The following ANKRD49 variants were observed in gnomAD, a reference collection of about 807,000 sequenced individuals.
ANKRD49 encodes ankyrin repeat domain-containing protein 49.
A neutral mutation model predicts 19.6 loss-of-function variants in ANKRD49; 18 were observed. The ratio of observed to expected loss-of-function variants is 0.92; its 90% CI spans 0.63 to 1.36. ANKRD49 has a LOEUF of 1.36. Among genes scored for constraint, ANKRD49 ranks in the 40% most tolerant of loss-of-function variants. The pLI is 0.00. For missense variants in ANKRD49, 218 were observed against 281.6 expected (o/e 0.77, Z 1.62); for synonymous variants, 88 against 101.8 (o/e 0.86, Z 0.82).
In ANKRD49 at chr11:94,498,351, T is replaced by C. The variant is rs1947448129; in HGVS notation, c.539T>C (p.Leu180Pro). 1 of 1,613,428 alleles carries C rather than the reference T, an allele frequency of 6.2e-7. No individual in the cohort carries two copies. Among genetic ancestry groups the C allele is most frequent in the African/African-American group, 1.3e-5 (1 of 74,870 alleles). The change falls in exon 3 of 3, where the codon CTT becomes CCT. Residue 180 changes from leucine to proline, a missense_variant. Leu to Pro is a moderately conservative substitution (Grantham distance 98). Transcript: ENST00000544612. ...QTKGLLTPLH[L>P]AAGNRDSKDT... The stretch of plus-strand genomic sequence containing the variant: ...AAAGGCCTCTTGACCCCCTTGCATC[T>C]TGCTGCTGGGAACAGAGACAGCAAG...
In ANKRD49 at chr11:94,498,740, G is replaced by T; in HGVS notation, c.*208G>T. On this transcript the variant is annotated 3_prime_UTR_variant, in exon 3 of 3. Coordinates refer to ENST00000544612, the MANE Select transcript of ANKRD49 (RefSeq NM_017704.3). ...ATCTTTAATTATTTCTGTGGAGTTT[G>T]TGATTTTTTTATCAGAAATAATTTT... is the stretch of plus-strand genomic sequence containing the variant. The T allele has an allele frequency of 3.5e-6, 2 of 567,180 alleles. No individual in the cohort carries two copies. The highest frequency in any genetic ancestry group is 2.4e-5 in the South Asian group (1 of 42,540). The allele number at this position is 567,180 out of a possible 1,614,324, so 35.1% of individuals were successfully genotyped here. A position where few individuals can be genotyped will look rare whatever the true frequency, so the allele number is the denominator to read the frequency against.
At position 94,498,858 on chromosome 11, in the gene ANKRD49, A is replaced by G; in HGVS notation, c.*326A>G. The G allele has an allele frequency of 3.6e-6, 1 of 279,954 alleles. No homozygotes were observed. Among genetic ancestry groups the G allele is most frequent in the East Asian group, 9.3e-5 (1 of 10,800 alleles). 17.3% of individuals were successfully genotyped at this position (279,954 alleles called of 1,614,324 possible). On this transcript the variant is annotated 3_prime_UTR_variant, in exon 3 of 3. Coordinates refer to ENST00000544612, the MANE Select transcript of ANKRD49 (RefSeq NM_017704.3). Reference sequence around the variant, plus strand: ...AGAAATGTATTTTTAAATATCCCACATCCTGGATCTTTGTTGGGTATTTAG... The same window carrying G: ...AGAAATGTATTTTTAAATATCCCACGTCCTGGATCTTTGTTGGGTATTTAG...
chr11:94,498,045 G>T (rs760641435), intron 2 of ANKRD49, 26 bp from the exon 3 acceptor site: 39 of 1,524,442 alleles, frequency 2.6e-5, no homozygotes, highest in Non-Finnish European at 3.3e-5. Flanking sequence ...GAGTTGAGTT[G>T]AAAGATTTCT....
At position 94,498,195 on chromosome 11, in the gene ANKRD49, T is replaced by C; in HGVS notation, c.383T>C (p.Ile128Thr). 6.2e-7 allele frequency: 1 copy of C among 1,614,208 alleles called. No homozygotes were observed. ...SGHLDIVQEL[I>T]AQGADVHAVT... is the part of the protein sequence containing the mutation. ...CACTTAGATATTGTTCAGGAGCTCATTGCACAGGGGGCCGATGTTCATGCA... is the reference window on the plus strand; with the variant it reads ...CACTTAGATATTGTTCAGGAGCTCACTGCACAGGGGGCCGATGTTCATGCA... Residue 128 changes from isoleucine to threonine, a missense_variant, in exon 3 of 3, where the codon ATT (isoleucine) becomes ACT (threonine). Ile to Thr is a moderately conservative substitution (Grantham distance 89). Transcript: ENST00000544612.
At position 94,498,330 on chromosome 11, in the gene ANKRD49, G is replaced by C. The variant is rs1947447803; in HGVS notation, c.518G>C (p.Gly173Ala). 1 of 1,613,866 alleles carries C rather than the reference G, an allele frequency of 6.2e-7. No homozygotes were observed. Among genetic ancestry groups the C allele is most frequent in the African/African-American group, 1.3e-5 (1 of 75,014 alleles). The change falls in exon 3 of 3, where the codon GGC becomes GCC. Residue 173 changes from glycine to alanine, a missense_variant. By Grantham distance (60) the Gly-to-Ala change is moderately conservative (BLOSUM62 0). Transcript: ENST00000544612. ...HDADINAQTK[G>A]LLTPLHLAAG... ...GCAGATATCAATGCCCAAACAAAAG[G>C]CCTCTTGACCCCCTTGCATCTTGCT...
intron 2 of ANKRD49, chr11:94,497,811 C>A: frequency 5.2e-6 from 2 of 385,406 alleles, no homozygotes; most frequent in South Asian, 4.7e-5. Context: ...TTAGTTGGAC[C>A]AGGAGTAAAT....
rs1241070550 is a variant in ANKRD49 at position 94,497,814 on chromosome 11, G to T, written c.259-257G>T. ...ATGCAATAAACCTTAGTTGGACCAG[G>T]AGTAAATGTATGGTTTGATATTCAG... is the stretch of plus-strand genomic sequence containing the variant. On this transcript the variant is annotated intron_variant, in intron 2 of 2. Transcript: ENST00000544612. The T allele has an allele frequency of 1.2e-5, 5 of 405,322 alleles. No homozygotes were observed. The East Asian group carries it at 2.2e-4, about 18-fold the overall frequency. 25.1% of individuals were successfully genotyped at this position (405,322 alleles called of 1,614,324 possible). A position where few individuals can be genotyped will look rare whatever the true frequency, so the allele number is the denominator to read the frequency against.
intron 1 of ANKRD49, 37 bp downstream of exon 1, chr11:94,494,072 G>GA (rs1163795251): frequency 6.6e-6 from 1 of 152,334 alleles, no homozygotes; most frequent in African/African-American, 2.4e-5. Context: ...CTCGCTTTTT[G>GA]ATGGACCGGC....
In ANKRD49 at chr11:94,498,583, G is replaced by A. The variant is rs1947451276; in HGVS notation, c.*51G>A. The A allele has an allele frequency of 1.4e-6, 2 of 1,447,706 alleles. No homozygotes were observed. The highest frequency in any genetic ancestry group is 2.0e-5 in the Admixed American group (1 of 51,066). The allele number at this position is 1,447,706 out of a possible 1,614,324, so 89.7% of individuals were successfully genotyped here. The stretch of plus-strand genomic sequence containing the variant: ...CTAAATACCAGTGCCTCCTGTGTGT[G>A]AGATGTATTCCCATAATCAAAGTTG... On this transcript the variant is annotated 3_prime_UTR_variant, in exon 3 of 3. Coordinates refer to ENST00000544612, the MANE Select transcript of ANKRD49 (RefSeq NM_017704.3).
chr11:94,498,274 C>A lies in ANKRD49; in HGVS notation c.462C>A (p.Thr154=), dbSNP rs948770506. 6 of 1,614,030 alleles carry A rather than the reference C, an allele frequency of 3.7e-6. No homozygotes were observed. The highest frequency in any genetic ancestry group is 3.3e-5 in the Admixed American group (2 of 60,004). The change falls in exon 3 of 3, where the codon ACC becomes ACA. Residue 154 remains threonine (T), a synonymous_variant. Coordinates refer to ENST00000544612, the MANE Select transcript of ANKRD49 (RefSeq NM_017704.3). ...ACAGTGCTTGTAAGTGGAATAATACCAGAGTGGCTTCTTTCTTACTGCAGC... is the reference window on the plus strand; with the variant it reads ...ACAGTGCTTGTAAGTGGAATAATACAAGAGTGGCTTCTTTCTTACTGCAGC... ...PLHSACKWNN[T]RVASFLLQHD...
In ANKRD49 at chr11:94,496,964, A is replaced by T; in HGVS notation, c.258+13A>T. On this transcript the variant is annotated intron_variant, in intron 2 of 2. Coordinates refer to ENST00000544612, the MANE Select transcript of ANKRD49 (RefSeq NM_017704.3). The stretch of plus-strand genomic sequence containing the variant: ...TGAAAAAAATCGGGTAAAAAAAAAA[A>T]TTACAGAGGGAAGTGTGACAGTAGG... 8 of 1,612,210 alleles carry T rather than the reference A, an allele frequency of 5.0e-6. No homozygotes were observed. The highest frequency in any genetic ancestry group is 6.8e-6 in the Non-Finnish European group (8 of 1,179,910).
rs373617870 is a variant in ANKRD49, at chr11:94,496,965, T to A, written c.258+14T>A. On this transcript the variant is annotated intron_variant, in intron 2 of 2. Coordinates refer to ENST00000544612, the MANE Select transcript of ANKRD49 (RefSeq NM_017704.3). ...GAAAAAAATCGGGTAAAAAAAAAAA[T>A]TACAGAGGGAAGTGTGACAGTAGGA... 7 of 1,610,456 alleles carry A rather than the reference T, an allele frequency of 4.3e-6. No homozygotes were observed. The highest frequency in any genetic ancestry group is 5.9e-6 in the Non-Finnish European group (7 of 1,179,218).
chr11:94,497,559 C>G (rs1309437588), intron 2 of ANKRD49: 3 of 156,198 alleles, frequency 1.9e-5, no homozygotes, highest in Admixed American at 6.4e-5. Context: ...AAATTACAAC[C>G]TAAAAGGTTG....
At chr11:94,497,816 G>GTAAA in intron 2 of ANKRD49, 1 of 407,796 alleles carries the variant, frequency 2.5e-6, no homozygotes, top group South Asian at 4.1e-5. Flanking sequence ...TGGACCAGGA[G>GTAAA]TAAATGTATG....
Position 94,498,334 on chromosome 11 carries a change from C to A in ANKRD49, c.522C>A (p.Leu174=). The A allele has an allele frequency of 6.2e-7, 1 of 1,613,790 alleles. No individual in the cohort carries two copies. Among genetic ancestry groups the A allele is most frequent in the Non-Finnish European group, 8.5e-7 (1 of 1,179,994 alleles). ...DADINAQTKG[L]LTPLHLAAGN... ...ATATCAATGCCCAAACAAAAGGCCT[C>A]TTGACCCCCTTGCATCTTGCTGCTG... The change falls in exon 3 of 3, where the codon CTC becomes CTA. Residue 174 remains leucine (L), a synonymous_variant. Transcript: ENST00000544612.
Position 94,496,920 on chromosome 11 carries a change from G to C in ANKRD49, c.227G>C (p.Arg76Thr). Residue 76 changes from arginine to threonine, a missense_variant, in exon 2 of 3, where the codon AGA becomes ACA. By Grantham distance (71) the Arg-to-Thr change is moderately conservative (BLOSUM62 -1). Transcript: ENST00000544612. ...AAAAAAATGGAAAAAGACCCAAGCAGATTGCTTCTTTGGGCTGCTGAAAAA... is the reference window on the plus strand; with the variant it reads ...AAAAAAATGGAAAAAGACCCAAGCACATTGCTTCTTTGGGCTGCTGAAAAA... ...QEKKMEKDPS[R>T]LLLWAAEKNR... The C allele has an allele frequency of 6.2e-7, 1 of 1,613,466 alleles. No homozygotes were observed. Among genetic ancestry groups the C allele is most frequent in the South Asian group, 1.1e-5 (1 of 91,068 alleles).
In ANKRD49 at chr11:94,498,201, A is replaced by C. The variant is rs751170806; in HGVS notation, c.389A>C (p.Gln130Pro). The C allele has an allele frequency of 3.7e-6, 6 of 1,614,074 alleles. No individual in the cohort carries two copies. The highest frequency in any genetic ancestry group is 5.1e-6 in the Non-Finnish European group (6 of 1,180,044). Reference sequence around the variant, plus strand: ...GATATTGTTCAGGAGCTCATTGCACAGGGGGCCGATGTTCATGCAGTGACT... The same window carrying C: ...GATATTGTTCAGGAGCTCATTGCACCGGGGGCCGATGTTCATGCAGTGACT... The part of the protein sequence containing the change: ...HLDIVQELIA[Q>P]GADVHAVTVD... The change falls in exon 3 of 3, where the codon CAG becomes CCG. Residue 130 changes from glutamine (Q) to proline (P), a missense_variant. Transcript: ENST00000544612.
intron 1 of ANKRD49, 36 bp from the exon 2 acceptor site, chr11:94,496,568 T>C (rs1181709879): frequency 8.2e-6 from 7 of 858,242 alleles, no homozygotes; most frequent in Non-Finnish European, 1.2e-5. Context: ...GCCTGAATTA[T>C]TGTTTTACTA....
At position 94,496,796 on chromosome 11, in the gene ANKRD49, C is replaced by T. The variant is rs1346989787; in HGVS notation, c.103C>T (p.His35Tyr). ...NQLELLETHGHLIPTGTQSLW... is the reference protein window; with the variant it reads ...NQLELLETHGYLIPTGTQSLW... ...ACTTGAATTGTTGGAAACACATGGA[C>T]ACCTTATTCCTACTGGTACTCAAAG... Residue 35 changes from histidine to tyrosine, a missense_variant, in exon 2 of 3, where the codon CAC (histidine) becomes TAC (tyrosine). Physicochemically the swap from His to Tyr is moderately conservative, Grantham distance 83. Transcript: ENST00000544612. 2.5e-6 allele frequency: 4 copies of T among 1,613,836 alleles called. No homozygotes were observed. Among genetic ancestry groups the T allele is most frequent in the Non-Finnish European group, 2.5e-6 (3 of 1,179,974 alleles).
Sources: allele counts gnomAD v4.1 joint callset, GRCh38; gene constraint gnomAD v4.1.1; transcripts MANE v1.5; gene names NCBI Gene and HGNC (gene_info 2026-07-23, HGNC 2026-07-21).